Variants in CRADD observed in about 807,000 individuals in gnomAD.
CRADD encodes the protein death domain-containing protein CRADD.
CRADD carries 9 observed loss-of-function variants against 15.5 expected under a neutral mutation model. That is an observed-to-expected ratio of 0.58 (90% CI 0.35 to 1.01). The LOEUF (loss-of-function observed/expected upper bound fraction) is 1.01. CRADD is among the 50% of genes least tolerant of loss of function. The pLI is 0.02. For synonymous variants in CRADD, 118 were observed against 107.6 expected (o/e 1.10, Z -0.60); for missense variants, 227 against 250.3 (o/e 0.91, Z 0.63).
intron 2 of CRADD, among the ~76,000 whole-genome samples, chr12:93,865,472 T>C (rs1036045872): frequency 3.9e-5 from 6 of 151,954 alleles, no homozygotes; most frequent in African/African-American, 1.5e-4. Flanking sequence ...AGCTAGAGTA[T>C]AGTGGAGTGA....
intron 2 of CRADD, among the ~76,000 whole-genome samples, chr12:93,794,991 A>T (rs895783688): frequency 6.6e-5 from 10 of 152,072 alleles, no homozygotes; most frequent in African/African-American, 2.4e-4. Context: ...GAGAGGTTTG[A>T]CCTGACCACC....
At chr12:93,807,784 A>G (rs1957556703) in intron 2 of CRADD, among the ~76,000 whole-genome samples, 1 of 151,652 alleles carries the variant, frequency 6.6e-6, no homozygotes, top group Non-Finnish European at 1.5e-5. Flanking sequence ...CCAAATAAAA[A>G]CCAATGAGTA....
intron 2 of CRADD, among the ~76,000 whole-genome samples, chr12:93,702,642 A>G (rs1006078468): frequency 6.6e-6 from 1 of 151,506 alleles, no homozygotes; most frequent in African/African-American, 2.4e-5. Flanking sequence ...AAACAATTCA[A>G]CCTGTTCTTT....
chr12:93,784,029 G>A (rs1026831753), intron 2 of CRADD, among the ~76,000 whole-genome samples: 5 of 152,234 alleles, frequency 3.3e-5, no homozygotes, highest in African/African-American at 1.2e-4. Flanking sequence ...CAGGGTGCAC[G>A]GGGTTCACAT....
chr12:93,803,849 C>T (rs946279508), intron 2 of CRADD, among the ~76,000 whole-genome samples: 1 of 151,966 alleles, frequency 6.6e-6, no homozygotes, highest in Non-Finnish European at 1.5e-5. Context: ...TCTAGATGGG[C>T]CCAACCTAAT....
At chr12:93,698,465 A>G (rs955213239) in intron 2 of CRADD, among the ~76,000 whole-genome samples, 1 of 152,222 alleles carries the variant, frequency 6.6e-6, no homozygotes, top group African/African-American at 2.4e-5. Context: ...TATTTCAACT[A>G]TTAGAGAGAT....
intron 2 of CRADD, among the ~76,000 whole-genome samples, chr12:93,811,559 A>G (rs1324622615): frequency 6.6e-6 from 1 of 152,240 alleles, no homozygotes; most frequent in African/African-American, 2.4e-5. Flanking sequence ...TTTGAATCTC[A>G]GCATTAGTCC....
Position 93,814,804 on chromosome 12 carries a change from G to A in CRADD, c.299-35166G>A, listed in dbSNP as rs554727890. ...AATGAGACAGAGCCAACAAGGATGCGTGAAACCAGCCACATAAATTGTGAA... is the reference window on the plus strand; with the variant it reads ...AATGAGACAGAGCCAACAAGGATGCATGAAACCAGCCACATAAATTGTGAA... On this transcript the variant is annotated intron_variant, in intron 2 of 2. Coordinates refer to ENST00000332896, the MANE Select transcript of CRADD (RefSeq NM_003805.5). Among the ~76,000 whole-genome samples, 9 of 152,152 alleles carry A rather than the reference G, an allele frequency of 5.9e-5. No homozygotes were observed. The South Asian group carries it at 6.2e-4, about 11-fold the overall frequency.
At chr12:93,795,234 T>G (rs1384668116) in intron 2 of CRADD, among the ~76,000 whole-genome samples, 1 of 152,192 alleles carries the variant, frequency 6.6e-6, no homozygotes, top group African/African-American at 2.4e-5. Flanking sequence ...TGAATTACTT[T>G]GTTTGTGATT....
At chr12:93,837,460 T>G (rs267423) in intron 2 of CRADD, 152,043 of 152,116 alleles carry the variant, frequency 1, 75,985 homozygotes, top group Middle Eastern at 1. Context: ...TAGAGACAGG[T>G]TTTCACCATG....
At chr12:93,710,821 A>C (rs925977607) in intron 2 of CRADD, among the ~76,000 whole-genome samples, 3 of 152,170 alleles carry the variant, frequency 2.0e-5, no homozygotes, top group Non-Finnish European at 2.9e-5. Flanking sequence ...TTAGTGGTGA[A>C]GTTTGCTGAC....
chr12:93,876,009 C>A (rs1404981728), intron 2 of CRADD, among the ~76,000 whole-genome samples: 1 of 152,050 alleles, frequency 6.6e-6, no homozygotes, highest in African/African-American at 2.4e-5. Flanking sequence ...GATGAAACCC[C>A]TCAGCTTTTA....
At chr12:93,864,636 G>C (rs1250156479) in intron 2 of CRADD, among the ~76,000 whole-genome samples, 2 of 152,184 alleles carry the variant, frequency 1.3e-5, no homozygotes, top group East Asian at 3.8e-4. Context: ...AGCTCTCTGA[G>C]GGCCCACCTG....
At chr12:93,684,237 C>T (rs1955384269) in intron 2 of CRADD, among the ~76,000 whole-genome samples, 1 of 152,220 alleles carries the variant, frequency 6.6e-6, no homozygotes, top group South Asian at 2.1e-4. Context: ...GCGTCAGAGA[C>T]TGGTTTTGTG....
intron 2 of CRADD, among the ~76,000 whole-genome samples, chr12:93,798,450 C>T (rs754347844): frequency 7.2e-5 from 11 of 152,294 alleles, no homozygotes; most frequent in African/African-American, 1.4e-4. Flanking sequence ...ATATGTTACA[C>T]TTCACTCAGT....
intron 2 of CRADD, among the ~76,000 whole-genome samples, chr12:93,782,693 C>CT (rs200589191): frequency 5.3e-5 from 8 of 150,198 alleles, no homozygotes; most frequent in East Asian, 3.9e-4. Flanking sequence ...AAAAAAATGC[C>CT]TTTTTTTTTA....
intron 2 of CRADD, among the ~76,000 whole-genome samples, chr12:93,736,645 G>A (rs923404915): frequency 2.0e-5 from 3 of 152,148 alleles, no homozygotes; most frequent in African/African-American, 4.8e-5. Flanking sequence ...CTAGGGGTAG[G>A]CTAAATATTT....
At chr12:93,679,093 T>G (rs754176733) in intron 2 of CRADD, 21 bp downstream of exon 2, 1 of 1,584,618 alleles carries the variant, frequency 6.3e-7, no homozygotes, top group Admixed American at 1.8e-5. Context: ...GAAAGATCAC[T>G]TTGAACCAGC....
chr12:93,883,032 T>C (rs1365177932), intron 2 of CRADD, among the ~76,000 whole-genome samples: 1 of 152,250 alleles, frequency 6.6e-6, no homozygotes, highest in Non-Finnish European at 1.5e-5. Context: ...TTGGAATTAA[T>C]ATATCTTTGG....
Sources: allele counts gnomAD v4.1 joint callset (sites outside exome capture counted in the v4.1 genomes callset), GRCh38; gene constraint gnomAD v4.1.1; transcripts MANE v1.5; gene names NCBI Gene and HGNC (gene_info 2026-07-23, HGNC 2026-07-21).